HTR1F: variants seen among roughly 807,000 people sequenced by gnomAD.
HTR1F encodes 5-hydroxytryptamine (serotonin) receptor 1F, G protein-coupled.
A neutral mutation model predicts 24.0 loss-of-function variants in HTR1F; 17 were observed. That is an observed-to-expected ratio of 0.71 (90% confidence interval 0.48 to 1.06). HTR1F has a LOEUF of 1.06. HTR1F is among the 50% of genes least tolerant of loss of function. The pLI, the probability that HTR1F is intolerant of heterozygous loss-of-function variation, is 0.00. For synonymous variants in HTR1F, 186 were observed against 156.8 expected, an observed-to-expected ratio of 1.19 and a Z score of -1.39; for missense variants, 391 against 427.8, an observed-to-expected ratio of 0.91 and a Z score of 0.76.
chr3:87,991,247 T>C lies in HTR1F; in HGVS notation c.498T>C (p.Thr166=), dbSNP rs1705820088. ...CTCTATTCTGGAGGCACCAAGGAAC[T>C]AGCAGAGATGATGAATGCATCATCA... ...MPPLFWRHQG[T]SRDDECIIKH... The change falls in exon 3 of 3, where the codon ACT becomes ACC. Residue 166 remains threonine (T), a synonymous_variant. Transcript: ENST00000319595. The C allele has an allele frequency of 5.6e-6, 9 of 1,613,990 alleles. No individual in the cohort carries two copies. In the Admixed American group the frequency reaches 1.2e-4, roughly 21 times the overall value.
intron 2 of HTR1F, among the ~76,000 whole-genome samples, chr3:87,925,031 A>T (rs1175749349): frequency 6.6e-6 from 1 of 151,326 alleles, no homozygotes; most frequent in African/African-American, 2.4e-5. Context: ...GAATATGGTG[A>T]TCCCTAAGTC....
At position 87,807,243 on chromosome 3, in the gene HTR1F, C is replaced by A. The variant is rs1427313530; in HGVS notation, c.-160+14401C>A. Among the ~76,000 whole-genome samples, 4 of 151,874 alleles carry A rather than the reference C, an allele frequency of 2.6e-5. No homozygotes were observed. The East Asian group carries it at 5.8e-4, about 22-fold the overall frequency. Reference sequence around the variant, plus strand: ...AGTATGGTCATTTGAAGGATATTAACTCTACTGATCCATGAGCATGGAGTA... The same window carrying A: ...AGTATGGTCATTTGAAGGATATTAAATCTACTGATCCATGAGCATGGAGTA... On this transcript the variant is annotated intron_variant, in intron 1 of 2. Transcript: ENST00000319595.
chr3:87,965,959 T>G (rs1705154578), intron 2 of HTR1F, among the ~76,000 whole-genome samples: 1 of 152,214 alleles, frequency 6.6e-6, no homozygotes, highest in South Asian at 2.1e-4. Flanking sequence ...CTTTAGGGAC[T>G]TCATATTATG....
At chr3:87,867,431 TG>T (rs774288941) in intron 2 of HTR1F, among the ~76,000 whole-genome samples, 5 of 151,706 alleles carry the variant, frequency 3.3e-5, no homozygotes, top group South Asian at 4.2e-4. Context: ...AGAGTTAAAA[TG>T]GGGGGAAAAA....
chr3:87,869,196 T>C (rs1275527961), intron 2 of HTR1F, among the ~76,000 whole-genome samples: 1 of 151,968 alleles, frequency 6.6e-6, no homozygotes, highest in Non-Finnish European at 1.5e-5. Context: ...AATAGACTAC[T>C]GAAACACATA....
chr3:87,969,000 G>T (rs187188848), intron 2 of HTR1F, among the ~76,000 whole-genome samples: 2 of 152,354 alleles, frequency 1.3e-5, no homozygotes, highest in Non-Finnish European at 2.9e-5. Flanking sequence ...AGCCTTGGCA[G>T]CTCCCACGTG....
intron 2 of HTR1F, among the ~76,000 whole-genome samples, chr3:87,872,559 A>G (rs1327097052): frequency 6.6e-6 from 1 of 152,020 alleles, no homozygotes; most frequent in Non-Finnish European, 1.5e-5. Context: ...AAGTAACAAA[A>G]ACCGAATAAT....
chr3:87,919,619 T>C (rs1703968357), intron 2 of HTR1F, among the ~76,000 whole-genome samples: 1 of 151,766 alleles, frequency 6.6e-6, no homozygotes, highest in Non-Finnish European at 1.5e-5. Context: ...TATGAAAAAA[T>C]GTTCAACATC....
chr3:87,979,605 G>A (rs1705497584), intron 2 of HTR1F, among the ~76,000 whole-genome samples: 3 of 152,166 alleles, frequency 2.0e-5, no homozygotes, highest in Admixed American at 1.3e-4. Flanking sequence ...CCAGTCAGAA[G>A]CCTCTGTGGC....
intron 2 of HTR1F, among the ~76,000 whole-genome samples, chr3:87,862,736 T>C (rs1337038942): frequency 1.3e-5 from 2 of 152,182 alleles, no homozygotes; most frequent in Non-Finnish European, 2.9e-5. Context: ...CTATATATAA[T>C]GGATCATTTT....
At chr3:87,857,174 C>T (rs1250439989) in intron 2 of HTR1F, among the ~76,000 whole-genome samples, 1 of 151,878 alleles carries the variant, frequency 6.6e-6, no homozygotes, top group Non-Finnish European at 1.5e-5. Flanking sequence ...GCAGATAAAA[C>T]TGTCTCAGGT....
chr3:87,794,684 A>G (rs1703874615), intron 1 of HTR1F, among the ~76,000 whole-genome samples: 1 of 152,198 alleles, frequency 6.6e-6, no homozygotes, highest in African/African-American at 2.4e-5. Context: ...ACAGCATACA[A>G]ATAACTTATT....
At chr3:87,930,624 C>CT (rs1704239519) in intron 2 of HTR1F, among the ~76,000 whole-genome samples, 1 of 152,098 alleles carries the variant, frequency 6.6e-6, no homozygotes, top group South Asian at 2.1e-4. Flanking sequence ...CTTTGCATCC[C>CT]TGGGGTGAAG....
At chr3:87,941,937 G>A (rs1704578768) in intron 2 of HTR1F, among the ~76,000 whole-genome samples, 1 of 152,054 alleles carries the variant, frequency 6.6e-6, no homozygotes, top group African/African-American at 2.4e-5. Context: ...ACTAGGCCTT[G>A]GGCTTTTAGG....
At chr3:87,821,598 G>A (rs1310196191) in intron 1 of HTR1F, among the ~76,000 whole-genome samples, 1 of 152,120 alleles carries the variant, frequency 6.6e-6, no homozygotes, top group Non-Finnish European at 1.5e-5. Context: ...TGATAACACT[G>A]TTCATGCTCC....
intron 2 of HTR1F, among the ~76,000 whole-genome samples, chr3:87,915,743 C>T (rs1703878750): frequency 6.6e-6 from 1 of 152,034 alleles, no homozygotes; most frequent in South Asian, 2.1e-4. Context: ...ATTGGTGTTC[C>T]TGAGGAAGAA....
intron 2 of HTR1F, among the ~76,000 whole-genome samples, chr3:87,972,601 T>G (rs1705308401): frequency 6.6e-6 from 1 of 152,156 alleles, no homozygotes. Context: ...TGAAACTACT[T>G]ATTACTTTCC....
At chr3:87,916,431 G>T (rs1703896919) in intron 2 of HTR1F, among the ~76,000 whole-genome samples, 1 of 151,090 alleles carries the variant, frequency 6.6e-6, no homozygotes, top group Non-Finnish European at 1.5e-5. Flanking sequence ...AAAAGATACA[G>T]AACTTCAGAA....
At chr3:87,826,112 T>A (rs557269719) in intron 2 of HTR1F, among the ~76,000 whole-genome samples, 2 of 152,314 alleles carry the variant, frequency 1.3e-5, no homozygotes, top group East Asian at 1.9e-4. Flanking sequence ...CTAGGCACCA[T>A]TGATGGTACC....
Sources: allele counts gnomAD v4.1 joint callset (sites outside exome capture counted in the v4.1 genomes callset), GRCh38; gene constraint gnomAD v4.1.1; transcripts MANE v1.5; gene names NCBI Gene and HGNC (gene_info 2026-07-23, HGNC 2026-07-21).